Variants in LIPA observed in about 807,000 individuals in gnomAD.
The protein encoded by LIPA is lipase A, lysosomal acid type, also known as lysosomal acid lipase/cholesteryl ester hydrolase.
Under a neutral mutation model 40.6 loss-of-function variants are expected in LIPA, and 26 were observed. The observed-to-expected ratio is 0.64, with a 90% CI of 0.47 to 0.89. The LOEUF is 0.89. Among genes scored for constraint, LIPA ranks in the 40% least tolerant of loss-of-function variants. The probability of loss-of-function intolerance (pLI) is 0.00; values close to 1 mark genes in which losing one functional copy is unlikely to be tolerated. For synonymous variants in LIPA, 188 were observed against 168.4 expected (o/e 1.12, Z -0.90); for missense variants, 455 against 479.6 (o/e 0.95, Z 0.48).
intron 1 of LIPA, among the ~76,000 whole-genome samples, chr10:89,259,878 C>T (rs1843198207): frequency 6.6e-6 from 1 of 152,024 alleles, no homozygotes; most frequent in South Asian, 2.1e-4. Flanking sequence ...GGAGAGGGGA[C>T]ATTTTTCTTT....
upstream of LIPA, chr10:89,251,891 C>T (rs1221077837): frequency 6.5e-6 from 1 of 153,046 alleles, no homozygotes; most frequent in African/African-American, 2.4e-5. Flanking sequence ...TCAGAGCAGC[C>T]AGCCACCGGG....
At chr10:89,307,580 G>A (rs552808063) in intron 1 of LIPA, 5 of 496,414 alleles carry the variant, frequency 1.0e-5, no homozygotes, top group East Asian at 3.1e-5. Flanking sequence ...ACCAGATTGG[G>A]GGGTAGGTCC....
intron 2 of LIPA, among the ~76,000 whole-genome samples, chr10:89,358,377 G>A (rs536943379): frequency 2.0e-5 from 3 of 152,284 alleles, no homozygotes; most frequent in East Asian, 1.9e-4. Flanking sequence ...ACAGTATGAC[G>A]TTTCCCCCCA....
chr10:89,324,088 T>C (rs937326553), intron 1 of LIPA, among the ~76,000 whole-genome samples: 2 of 151,660 alleles, frequency 1.3e-5, no homozygotes, highest in Admixed American at 6.6e-5. Flanking sequence ...CATAGACCAA[T>C]AGAACAGAAT....
At chr10:89,340,114 G>A (rs1381599456) in intron 1 of LIPA, 1 of 1,597,018 alleles carries the variant, frequency 6.3e-7, no homozygotes, top group Non-Finnish European at 8.5e-7. Context: ...CTCTAACTCA[G>A]AGCAACTGAA....
intron 1 of LIPA, among the ~76,000 whole-genome samples, chr10:89,289,334 A>G (rs1230711759): frequency 2.0e-5 from 3 of 152,226 alleles, no homozygotes; most frequent in Admixed American, 1.3e-4. Flanking sequence ...TCCTTAAGGA[A>G]ATCACTTCTC....
intron 3 of LIPA, among the ~76,000 whole-genome samples, chr10:89,239,683 A>G (rs950085013): frequency 3.3e-5 from 5 of 152,258 alleles, no homozygotes; most frequent in Non-Finnish European, 7.3e-5. Context: ...ACACGAAGGC[A>G]GTAATGTGGT....
At chr10:89,249,208 C>T (rs897533120) in intron 1 of LIPA, among the ~76,000 whole-genome samples, 2 of 152,210 alleles carry the variant, frequency 1.3e-5, no homozygotes, top group African/African-American at 2.4e-5. Flanking sequence ...TTTGACCCGT[C>T]TCTCTCCTTC....
chr10:89,287,412 C>T (rs997930747), intron 1 of LIPA, among the ~76,000 whole-genome samples: 14 of 152,138 alleles, frequency 9.2e-5, no homozygotes, highest in African/African-American at 3.4e-4. Context: ...TTCTTTTATG[C>T]ACCCTTTTTT....
chr10:89,265,490 C>T (rs1259620593), intron 1 of LIPA, among the ~76,000 whole-genome samples: 2 of 152,244 alleles, frequency 1.3e-5, no homozygotes, highest in African/African-American at 2.4e-5. Flanking sequence ...CATTTTTGAA[C>T]AGTGTATAAG....
At chr10:89,284,112 G>A (rs943149463) in intron 1 of LIPA, 1 of 152,252 alleles carries the variant, frequency 6.6e-6, no homozygotes, top group Non-Finnish European at 1.5e-5. Context: ...TCCTAACCAG[G>A]AAGTGGCCAG....
In LIPA at chr10:89,312,808, C is replaced by CA. The variant is rs1423681297; in HGVS notation, c.-2+29802dup. Reference sequence around the variant, plus strand: ...TGGGTGACACAGCAAGACTCCCTCTCAAAAAAAAAAAATAATAATAATAAT... The same window carrying CA: ...TGGGTGACACAGCAAGACTCCCTCTCAAAAAAAAAAAAATAATAATAATAAT... On this transcript the variant is annotated intron_variant, in intron 1 of 5. Transcript: ENST00000282673. Among the ~76,000 whole-genome samples, 497 of 137,130 alleles carry CA rather than the reference C, an allele frequency of 3.6e-3. 1 individual carries two copies. Among genetic ancestry groups the CA allele is most frequent in the Non-Finnish European group, 5.4e-3 (343 of 63,046 alleles). The allele number at this position is 137,130 out of a possible 152,430, so 90.0% of individuals were successfully genotyped here.
chr10:89,260,620 A>G (rs1372731121), intron 1 of LIPA, among the ~76,000 whole-genome samples: 3 of 152,172 alleles, frequency 2.0e-5, no homozygotes, highest in Admixed American at 6.5e-5. Context: ...ATTCTGGTAC[A>G]TGGGGCCTCA....
At chr10:89,265,347 G>T (rs1843230297) in intron 1 of LIPA, among the ~76,000 whole-genome samples, 1 of 152,118 alleles carries the variant, frequency 6.6e-6, no homozygotes, top group African/African-American at 2.4e-5. Flanking sequence ...AAGGGGACAG[G>T]GCTCCCACCA....
rs142119487 is a variant in LIPA at position 89,294,198 on chromosome 10, G to T, written c.-1-46549C>A. Among the ~76,000 whole-genome samples, 286 of 152,320 alleles carry T rather than the reference G, an allele frequency of 1.9e-3. 1 individual carries two copies. Among genetic ancestry groups the T allele is most frequent in the Middle Eastern group, 6.8e-3 (2 of 294 alleles). Reference sequence around the variant, plus strand: ...TATGGAAAGATAAAGTCATTTACCCGCATCAAGTTTCCACTCAAAGACTGC... The same window carrying T: ...TATGGAAAGATAAAGTCATTTACCCTCATCAAGTTTCCACTCAAAGACTGC... On this transcript the variant is annotated intron_variant, in intron 1 of 5. Coordinates refer to the LIPA transcript ENST00000282673.
intron 1 of LIPA, among the ~76,000 whole-genome samples, chr10:89,334,781 G>A (rs11203072): frequency 0.24 from 36,225 of 151,630 alleles, 4,544 homozygotes; most frequent in African/African-American, 0.29. Flanking sequence ...GTGAGCCACC[G>A]CGCCCGGCCA....
chr10:89,387,068 G>A (rs920123509), intron 2 of LIPA, among the ~76,000 whole-genome samples: 1 of 152,064 alleles, frequency 6.6e-6, no homozygotes, highest in African/African-American at 2.4e-5. Context: ...TGTAATCCCA[G>A]CACTTTGGGA....
intron 1 of LIPA, among the ~76,000 whole-genome samples, chr10:89,281,310 A>T (rs777848739): frequency 4.6e-5 from 7 of 152,164 alleles, no homozygotes; most frequent in Non-Finnish European, 8.8e-5. Flanking sequence ...CCAGGCCTTG[A>T]TATCTAAGCA....
At chr10:89,279,556 C>T (rs59936336) in intron 1 of LIPA, among the ~76,000 whole-genome samples, 3,308 of 152,250 alleles carry the variant, frequency 0.022, 118 homozygotes, top group African/African-American at 0.074. Context: ...CCTGTCATGA[C>T]CCTTGATTGG....
Sources: allele counts gnomAD v4.1 joint callset (sites outside exome capture counted in the v4.1 genomes callset), GRCh38; gene constraint gnomAD v4.1.1; transcripts MANE v1.5; gene names NCBI Gene and HGNC (gene_info 2026-07-23, HGNC 2026-07-21).